The following SHLD2 variants were observed in gnomAD, a reference collection of about 807,000 sequenced individuals.
SHLD2 encodes RINN1-REV7-interacting novel NHEJ regulator 2.
A neutral mutation model predicts 73.2 loss-of-function variants in SHLD2; 30 were observed. That is an observed-to-expected ratio of 0.41 (90% CI 0.31 to 0.56). The LOEUF is 0.56. SHLD2 is among the 20% of genes least tolerant of loss of function. SHLD2 has a pLI of 0.28. For missense variants in SHLD2, 745 were observed against 1,055.9 expected, an observed-to-expected ratio of 0.71 and a Z score of 4.08; for synonymous variants, 285 against 370.1, an observed-to-expected ratio of 0.77 and a Z score of 2.64.
chr10:87,126,791 A>G (rs1844044320), intron 2 of SHLD2, among the ~76,000 whole-genome samples: 1 of 152,196 alleles, frequency 6.6e-6, no homozygotes, highest in South Asian at 2.1e-4. Context: ...AAAGGAAGAC[A>G]TTCTTTCAGT....
chr10:87,175,829 G>T, intron 6 of SHLD2, 60 bp from the exon 7 acceptor site: 1 of 1,495,826 alleles, frequency 6.7e-7, no homozygotes. Flanking sequence ...TATTTAATCT[G>T]ATACTAAGCC....
chr10:87,187,985 G>A (rs1589682534), intron 9 of SHLD2, among the ~76,000 whole-genome samples: 1 of 152,260 alleles, frequency 6.6e-6, no homozygotes, highest in East Asian at 1.9e-4. Context: ...TGGTTCCCCA[G>A]TATTCCTGCT....
intron 4 of SHLD2, among the ~76,000 whole-genome samples, chr10:87,168,586 G>C (rs1425069924): frequency 9.3e-6 from 1 of 108,026 alleles, no homozygotes; most frequent in African/African-American, 3.5e-5. Flanking sequence ...GCAATAGAGT[G>C]ACACCTTGTC....
chr10:87,097,975 T>A (rs1483719234), intron 2 of SHLD2, among the ~76,000 whole-genome samples: 2 of 152,012 alleles, frequency 1.3e-5, no homozygotes, highest in Non-Finnish European at 2.9e-5. Context: ...TTGGCCAGGC[T>A]GTTCTCAAAC....
intron 2 of SHLD2, among the ~76,000 whole-genome samples, chr10:87,140,147 G>C (rs1845081912): frequency 6.6e-6 from 1 of 152,008 alleles, no homozygotes; most frequent in Non-Finnish European, 1.5e-5. Flanking sequence ...TGGCCGGGTG[G>C]GTGGCTCACA....
At chr10:87,112,718 A>G (rs1391219186) in intron 2 of SHLD2, among the ~76,000 whole-genome samples, 2 of 151,314 alleles carry the variant, frequency 1.3e-5, no homozygotes. Context: ...AAATCTCAAA[A>G]AAAAAAAAAA....
At chr10:87,156,566 A>G (rs2134376354) in intron 3 of SHLD2, among the ~76,000 whole-genome samples, 1 of 152,284 alleles carries the variant, frequency 6.6e-6, no homozygotes, top group African/African-American at 2.4e-5. Context: ...GACAAACAGA[A>G]TAAGGACTAG....
At position 87,113,703 on chromosome 10, in the gene SHLD2, A is replaced by C. The variant is rs146396090; in HGVS notation, c.-6+16714A>C. Among the ~76,000 whole-genome samples, 859 of 152,298 alleles carry C rather than the reference A, an allele frequency of 5.6e-3. 29 individuals carry two copies. Among genetic ancestry groups the C allele is most frequent in the Non-Finnish European group, 1.9e-3 (128 of 68,032 alleles). On this transcript the variant is annotated intron_variant, in intron 2 of 9. Coordinates refer to ENST00000298786, the MANE Select transcript of SHLD2 (RefSeq NM_001330112.2). ...ACTTTGAAATGGTAAATTGTATGCT[A>C]TGTCAATTAAAAAAAAGTATAGGCC...
At chr10:87,164,599 A>T (rs1242750733) in intron 4 of SHLD2, among the ~76,000 whole-genome samples, 3 of 152,152 alleles carry the variant, frequency 2.0e-5, no homozygotes, top group African/African-American at 7.2e-5. Context: ...AAAGTGGTTG[A>T]TTACAGGACT....
chr10:87,126,440 G>T (rs554016943), intron 2 of SHLD2, among the ~76,000 whole-genome samples: 227 of 151,910 alleles, frequency 1.5e-3, no homozygotes, highest in African/African-American at 5.2e-3. Flanking sequence ...TGACTTTTTT[G>T]ATTTTGTTTT....
intron 2 of SHLD2, among the ~76,000 whole-genome samples, chr10:87,131,185 T>G (rs1844402641): frequency 1.4e-5 from 2 of 142,804 alleles, no homozygotes; most frequent in Admixed American, 1.3e-4. Flanking sequence ...TATTTCTAAT[T>G]TTTTTTTTGT....
In SHLD2 at chr10:87,165,207, A is replaced by G. The variant is rs140234730; in HGVS notation, c.1634-5271A>G. Among the ~76,000 whole-genome samples, 862 of 151,976 alleles carry G rather than the reference A, an allele frequency of 5.7e-3. 6 individuals are homozygous for G. Among genetic ancestry groups the G allele is most frequent in the African/African-American group, 0.018 (765 of 41,496 alleles). The stretch of plus-strand genomic sequence containing the variant: ...GTCTCAAGGAAAAAAAAAAAAATAC[A>G]AAACACAAAAATAGAGAATTACCAT... On this transcript the variant is annotated intron_variant, in intron 4 of 9. Transcript: ENST00000298786.
In SHLD2 at chr10:87,176,003, G is replaced by A. The variant is rs1350450963; in HGVS notation, c.2078G>A (p.Arg693Lys). ...GAGTGCTTGTTTGATGATGATATAA[G>A]GGCAATTACATTTAAAGCAAAATTT... Reference protein sequence around the residue: ...SCECLFDDDIRAITFKAKFQK... With the variant: ...SCECLFDDDIKAITFKAKFQK... Residue 693 changes from arginine (R) to lysine (K), a missense_variant, in exon 7 of 10, where the codon AGG (arginine) becomes AAG (lysine). Around this residue, in one of 5 missense-constraint regions of SHLD2, gnomAD observed 418 missense variants for 567.8 expected, o/e 0.74. Coordinates refer to ENST00000298786, the MANE Select transcript of SHLD2 (RefSeq NM_001330112.2). The A allele has an allele frequency of 1.9e-6, 3 of 1,549,232 alleles. No homozygotes were observed. The highest frequency in any genetic ancestry group is 2.6e-6 in the Non-Finnish European group (3 of 1,146,846).
At chr10:87,110,747 G>A (rs755903019) in intron 2 of SHLD2, among the ~76,000 whole-genome samples, 29 of 151,492 alleles carry the variant, frequency 1.9e-4, no homozygotes, top group Non-Finnish European at 3.8e-4. Flanking sequence ...AGAAGGAAAT[G>A]TAGGTTTAAA....
intron 2 of SHLD2, chr10:87,115,235 A>G (rs1383893067): frequency 6.6e-6 from 1 of 152,138 alleles, no homozygotes; most frequent in Non-Finnish European, 1.5e-5. Flanking sequence ...TTTTTAGTAG[A>G]GACGGGGGTT....
At chr10:87,178,658 A>G (rs1443352053) in intron 7 of SHLD2, among the ~76,000 whole-genome samples, 1 of 152,020 alleles carries the variant, frequency 6.6e-6, no homozygotes, top group Non-Finnish European at 1.5e-5. Context: ...TTGAGACTGC[A>G]GTGAGTCAAG....
intron 2 of SHLD2, among the ~76,000 whole-genome samples, chr10:87,116,956 C>T (rs982084541): frequency 1.3e-5 from 2 of 152,114 alleles, no homozygotes; most frequent in Non-Finnish European, 2.9e-5. Context: ...AAGGTGGCTG[C>T]TGGGACATGA....
chr10:87,171,257 T>G (rs1442978663), intron 6 of SHLD2, among the ~76,000 whole-genome samples: 1 of 152,228 alleles, frequency 6.6e-6, no homozygotes. Context: ...CTCCTTCAAA[T>G]AATGTTCTTT....
At chr10:87,121,273 C>G (rs1843598696) in intron 2 of SHLD2, among the ~76,000 whole-genome samples, 1 of 151,856 alleles carries the variant, frequency 6.6e-6, no homozygotes, top group African/African-American at 2.4e-5. Context: ...TAGAGGTGTG[C>G]TCCACTATGC....
Sources: gnomAD v4.1 joint callset for allele counts (sites outside exome capture counted in the v4.1 genomes callset) on GRCh38, gnomAD v4.1.1 for gene constraint, gnomAD v4.1.1 regional missense constraint, MANE v1.5 for transcripts, NCBI Gene and HGNC (gene_info 2026-07-23, HGNC 2026-07-21) for gene names.